Variants in PGK1 observed in about 807,000 individuals in gnomAD.
The protein encoded by PGK1 is PRP 2.
A neutral mutation model predicts 26.9 loss-of-function variants in PGK1; 3 were observed. The ratio of observed to expected loss-of-function variants is 0.11; its 90% confidence interval spans 0.05 to 0.29. The LOEUF (loss-of-function observed/expected upper bound fraction) is 0.29. Among genes scored for constraint, PGK1 ranks in the 10% least tolerant of loss-of-function variants. PGK1 has a pLI of 1.00. For synonymous variants in PGK1, 125 were observed against 115.3 expected, an observed-to-expected ratio of 1.08 and a Z score of -0.54; for missense variants, 270 against 314.7, an observed-to-expected ratio of 0.86 and a Z score of 1.07.
rs917634145 is a variant in PGK1 at position 78,126,789 on chromosome X, G to A, written c.*959G>A. 10 of 106,150 alleles carry A rather than the reference G, an allele frequency of 9.4e-5. No homozygotes were observed. The highest frequency in any genetic ancestry group is 3.5e-4 in the African/African-American group (10 of 28,641). 8.7% of individuals were successfully genotyped at this position (106,150 alleles called of 1,213,427 possible). A position where few individuals can be genotyped will look rare whatever the true frequency, so the allele number is the denominator to read the frequency against. On this transcript the variant is annotated 3_prime_UTR_variant, in exon 11 of 11. Coordinates refer to ENST00000373316, the MANE Select transcript of PGK1 (RefSeq NM_000291.4). ...AAAAGTCTACATAACTAATACAGCT[G>A]AGCTATGTAGTATGCTATGATTAAA...
intron 4 of PGK1, among the ~76,000 whole-genome samples, chrX:78,115,825 G>C (rs1351591613): frequency 9.0e-6 from 1 of 111,527 alleles, no homozygotes; most frequent in Non-Finnish European, 1.9e-5. Flanking sequence ...TTTTCATGAA[G>C]AGCTTTCAAT....
intron 4 of PGK1, among the ~76,000 whole-genome samples, chrX:78,116,567 C>T (rs1166223655): frequency 8.9e-6 from 1 of 112,208 alleles, no homozygotes; most frequent in East Asian, 2.8e-4. Context: ...TGGCTTGCTT[C>T]CTGTGCCTCT....
intron 6 of PGK1, among the ~76,000 whole-genome samples, chrX:78,121,738 G>GT (rs1292316327): frequency 1.8e-5 from 2 of 112,333 alleles, no homozygotes; most frequent in Non-Finnish European, 3.8e-5. Context: ...AGATACATGT[G>GT]TATTTATCTT....
chrX:78,106,713 A>G, intron 1 of PGK1: 15 of 630,187 alleles, frequency 2.4e-5, no homozygotes, highest in South Asian at 8.2e-5. Context: ...GTTAATTACC[A>G]GGTTCCATCT....
intron 9 of PGK1, 133 bp from the exon 10 acceptor site, chrX:78,125,194 C>T: frequency 2.8e-6 from 2 of 726,386 alleles, no homozygotes; most frequent in Non-Finnish European, 4.3e-6. Flanking sequence ...ACAGAGGAGC[C>T]TCTTGGTAAG....
chrX:78,125,743 G>A (rs782415921), intron 10 of PGK1, 47 bp from the exon 11 acceptor site: 1 of 1,054,512 alleles, frequency 9.5e-7, no homozygotes, highest in Admixed American at 2.2e-5. Context: ...TGGCTTACTG[G>A]GCCCTATAGT....
At chrX:78,122,048 A>C (rs1469296544) in intron 6 of PGK1, among the ~76,000 whole-genome samples, 2 of 111,587 alleles carry the variant, frequency 1.8e-5, no homozygotes, top group Non-Finnish European at 3.8e-5. Flanking sequence ...AAAAAAATTT[A>C]AAAAGAAAAA....
chrX:78,128,977 G>C lies in PGK1; in HGVS notation c.*3147G>C, dbSNP rs1225682384. 9.1e-6 allele frequency: 1 copy of C among 109,961 alleles called. No individual in the cohort carries two copies. Among genetic ancestry groups the C allele is most frequent in the Non-Finnish European group, 1.9e-5 (1 of 52,885 alleles). The allele number at this position is 109,961 out of a possible 1,213,427, so 9.1% of individuals were successfully genotyped here. Reference sequence around the variant, plus strand: ...AACACTTTGGGAGGCCCAGGCAGGCGGGTCATGAGGTCAGGAGATTGAGAC... The same window carrying C: ...AACACTTTGGGAGGCCCAGGCAGGCCGGTCATGAGGTCAGGAGATTGAGAC... On this transcript the variant is annotated 3_prime_UTR_variant, in exon 11 of 11. Transcript: ENST00000373316.
intron 6 of PGK1, 47 bp downstream of exon 6, chrX:78,118,217 T>C (rs1557247661): frequency 1.7e-6 from 2 of 1,176,330 alleles, no homozygotes; most frequent in South Asian, 1.8e-5. Context: ...GTTTGCCTGG[T>C]AGTAGGCCAT....
chrX:78,107,250 T>G (rs141746718), intron 1 of PGK1, among the ~76,000 whole-genome samples: 1,813 of 111,645 alleles, frequency 0.016, 23 homozygotes, highest in Non-Finnish European at 0.026. Flanking sequence ...ATATCAAAAG[T>G]AGGAAATTGA....
chrX:78,114,272 G>A, intron 4 of PGK1, 112 bp downstream of exon 4: 1 of 771,091 alleles, frequency 1.3e-6, no homozygotes, highest in Non-Finnish European at 2.0e-6. Flanking sequence ...TTTTATTGAA[G>A]CATACAATGC....
intron 8 of PGK1, among the ~76,000 whole-genome samples, chrX:78,124,618 C>T (rs1026545361): frequency 8.9e-6 from 1 of 111,864 alleles, no homozygotes; most frequent in African/African-American, 3.2e-5. Context: ...AACCATTGAT[C>T]TAGTTTTCAC....
In PGK1 at chrX:78,124,220, G is replaced by A. The variant is rs2078371234; in HGVS notation, c.937-654G>A. Among the ~76,000 whole-genome samples, 3 of 111,612 alleles carry A rather than the reference G, an allele frequency of 2.7e-5. No homozygotes were observed. The South Asian group carries it at 1.1e-3, about 42-fold the overall frequency. ...CTTATTTTTCTTTTCAGGCATTCAC[G>A]TATTATTTAGTTCAGTGTTTCTCAA... On this transcript the variant is annotated intron_variant, in intron 8 of 10. Coordinates refer to ENST00000373316, the MANE Select transcript of PGK1 (RefSeq NM_000291.4).
Position 78,104,415 on chromosome X carries a change from C to T in PGK1, c.65+10C>T, listed in dbSNP as rs1433075979. 8.6e-7 allele frequency: 1 copy of T among 1,166,787 alleles called. No individual in the cohort carries two copies. The highest frequency in any genetic ancestry group is 1.2e-6 in the Non-Finnish European group (1 of 854,533). ...AGCGGGTCGTTATGAGGTAATTCTG[C>T]ACGTTTGCCCGCGTGCTCTCTGTGC... On this transcript the variant is annotated intron_variant, in intron 1 of 10. Transcript: ENST00000373316.
intron 1 of PGK1, among the ~76,000 whole-genome samples, chrX:78,107,261 C>T (rs1557246301): frequency 9.0e-6 from 1 of 111,448 alleles, no homozygotes; most frequent in East Asian, 2.8e-4. Flanking sequence ...AGGAAATTGA[C>T]ATTGGTATAA....
intron 6 of PGK1, among the ~76,000 whole-genome samples, chrX:78,118,790 C>T (rs1040676794): frequency 9.0e-6 from 1 of 110,568 alleles, no homozygotes; most frequent in Non-Finnish European, 1.9e-5. Flanking sequence ...CTGATGGGAA[C>T]TGTAGCCTTT....
Position 78,107,962 on chromosome X carries a change from G to GA in PGK1, c.66-1891dup, listed in dbSNP as rs146163611. 6.7e-3 allele frequency among the ~76,000 whole-genome samples: 498 copies of GA among 74,647 alleles called. 1 individual carries two copies. Among genetic ancestry groups the GA allele is most frequent in the African/African-American group, 0.016 (365 of 22,255 alleles). 64.8% of individuals were successfully genotyped at this position (74,647 alleles called of 115,157 possible). ...AAGCTCAGGGGTGTTATAAGGAAACGAAAAAAAAAAAAAAGAAAATTGTGC... is the reference window on the plus strand; with the variant it reads ...AAGCTCAGGGGTGTTATAAGGAAACGAAAAAAAAAAAAAAAGAAAATTGTGC... On this transcript the variant is annotated intron_variant, in intron 1 of 10. Transcript: ENST00000373316.
At chrX:78,111,479 TA>T (rs1200133513) in intron 2 of PGK1, among the ~76,000 whole-genome samples, 2 of 111,937 alleles carry the variant, frequency 1.8e-5, no homozygotes, top group African/African-American at 3.3e-5. Context: ...CAAATTGTGT[TA>T]ATTAAATTAA....
chrX:78,104,450 A>G (rs2078258567), intron 1 of PGK1, 45 bp downstream of exon 1: 2 of 1,014,499 alleles, frequency 2.0e-6, no homozygotes, highest in East Asian at 6.1e-5. Flanking sequence ...CTCTGTCGCA[A>G]ACCTCTTTGG....
Sources: allele counts gnomAD v4.1 joint callset (sites outside exome capture counted in the v4.1 genomes callset), GRCh38; gene constraint gnomAD v4.1.1; transcripts MANE v1.5; gene names NCBI Gene and HGNC (gene_info 2026-07-23, HGNC 2026-07-21).